The following BCAS4 variants were observed in gnomAD, a reference collection of about 807,000 sequenced individuals.
The protein encoded by BCAS4 is breast carcinoma amplified sequence 4.
In BCAS4, 9 loss-of-function variants were observed where a neutral mutation model predicts 15.7. The observed-to-expected ratio is 0.57, with a 90% CI of 0.34 to 1.00. The LOEUF (loss-of-function observed/expected upper bound fraction) is 1.00, where lower values mean the gene tolerates loss of function less well. BCAS4 is among the 50% of genes least tolerant of loss of function. The pLI, the probability that BCAS4 is intolerant of heterozygous loss-of-function variation, is 0.02. For synonymous variants in BCAS4, 101 were observed against 99.5 expected (o/e 1.02, Z -0.09); for missense variants, 225 against 239.1 (o/e 0.94, Z 0.39).
chr20:50,800,654 T>C (rs187285652), intron 1 of BCAS4, among the ~76,000 whole-genome samples: 2 of 147,090 alleles, frequency 1.4e-5, no homozygotes, highest in South Asian at 2.2e-4. Context: ...CTCCGCCTCC[T>C]GGGTTCAAGC....
Position 50,876,767 on chromosome 20 carries a change from C to T in BCAS4, c.*159C>T, listed in dbSNP as rs976647113. 11 of 951,628 alleles carry T rather than the reference C, an allele frequency of 1.2e-5. No individual in the cohort carries two copies. Among genetic ancestry groups the T allele is most frequent in the Non-Finnish European group, 1.2e-5 (9 of 723,818 alleles). The allele number at this position is 951,628 out of a possible 1,614,324, so 58.9% of individuals were successfully genotyped here. A position where few individuals can be genotyped will look rare whatever the true frequency, so the allele number is the denominator to read the frequency against. ...CTATGTTGTCCAGACTGATCTCAAA[C>T]TCCTGGGCTCAAGTGATCCACCCAC... On this transcript the variant is annotated 3_prime_UTR_variant, in exon 5 of 5. Coordinates refer to ENST00000371608, the MANE Select transcript of BCAS4 (RefSeq NM_198799.4).
intron 2 of BCAS4, among the ~76,000 whole-genome samples, chr20:50,829,822 C>T (rs6020777): frequency 0.041 from 6,296 of 151,968 alleles, 142 homozygotes; most frequent in Non-Finnish European, 0.044. Flanking sequence ...GCCTGCGTGT[C>T]GGAAGCATCT....
intron 1 of BCAS4, among the ~76,000 whole-genome samples, chr20:50,800,339 G>C (rs1199284901): frequency 6.6e-6 from 1 of 151,984 alleles, no homozygotes; most frequent in Non-Finnish European, 1.5e-5. Flanking sequence ...GGGTTTTTGG[G>C]GGATGGAGAG....
intron 4 of BCAS4, among the ~76,000 whole-genome samples, chr20:50,873,716 G>C (rs552636250): frequency 1.3e-5 from 2 of 152,214 alleles, no homozygotes; most frequent in African/African-American, 4.8e-5. Flanking sequence ...GCTGGGGAAC[G>C]TGCTAGGAGA....
intron 1 of BCAS4, among the ~76,000 whole-genome samples, chr20:50,815,208 G>A (rs539263650): frequency 2.4e-4 from 36 of 152,254 alleles, no homozygotes; most frequent in African/African-American, 8.2e-4. Flanking sequence ...TGACCACGCC[G>A]TGCCCTTCCT....
intron 2 of BCAS4, among the ~76,000 whole-genome samples, chr20:50,827,149 C>T (rs1016295536): frequency 6.6e-6 from 1 of 152,268 alleles, no homozygotes. Context: ...TAAGGTGCCA[C>T]ATGGCACGAG....
At chr20:50,874,937 G>C (rs564283816) in intron 4 of BCAS4, among the ~76,000 whole-genome samples, 56 of 152,326 alleles carry the variant, frequency 3.7e-4, no homozygotes, top group Middle Eastern at 6.8e-3. Context: ...CTGGGGGACA[G>C]GGTTAGGGGG....
At chr20:50,810,485 A>C (rs2088046343) in intron 1 of BCAS4, among the ~76,000 whole-genome samples, 1 of 152,224 alleles carries the variant, frequency 6.6e-6, no homozygotes, top group African/African-American at 2.4e-5. Context: ...TGGGAATTGA[A>C]AGACAAATAA....
chr20:50,795,570 G>A (rs1234648325), intron 1 of BCAS4, among the ~76,000 whole-genome samples: 1 of 152,244 alleles, frequency 6.6e-6, no homozygotes, highest in Non-Finnish European at 1.5e-5. Flanking sequence ...CTGCGCTGCT[G>A]CAGCTCGGAG....
rs1242683224 is a variant in BCAS4 at position 50,796,640 on chromosome 20, G to A, written c.90+1467G>A. The stretch of plus-strand genomic sequence containing the variant: ...CTCCCGAGTAGCTGGGACTACAGGC[G>A]TGTGCCACCATGCTCAGCTAATTTT... On this transcript the variant is annotated intron_variant, in intron 1 of 4. Coordinates refer to ENST00000371608, the MANE Select transcript of BCAS4 (RefSeq NM_198799.4). Among the ~76,000 whole-genome samples the A allele has an allele frequency of 2.2e-4, 32 of 148,036 alleles. 1 individual carries two copies. The Middle Eastern group carries it at 0.011, about 51-fold the overall frequency.
chr20:50,844,808 T>G (rs2088524088), intron 4 of BCAS4, among the ~76,000 whole-genome samples: 1 of 152,164 alleles, frequency 6.6e-6, no homozygotes, highest in African/African-American at 2.4e-5. Context: ...TCCGCCACAC[T>G]GGGCCTTGCT....
At position 50,868,949 on chromosome 20, in the gene BCAS4, A is replaced by G. The variant is rs886419299; in HGVS notation, c.400-7537A>G. Among the ~76,000 whole-genome samples, 4 of 152,218 alleles carry G rather than the reference A, an allele frequency of 2.6e-5. No individual in the cohort carries two copies. The South Asian group carries it at 8.3e-4, about 32-fold the overall frequency. ...GACAGGGCGTCTCAAGGAAGTAGTC[A>G]GGGACCCAGGCTTCTCCTGGCTGCT... On this transcript the variant is annotated intron_variant, in intron 4 of 4. Coordinates refer to ENST00000371608, the MANE Select transcript of BCAS4 (RefSeq NM_198799.4).
At chr20:50,824,425 G>A (rs149857565) in intron 2 of BCAS4, among the ~76,000 whole-genome samples, 92 of 152,330 alleles carry the variant, frequency 6.0e-4, no homozygotes, top group African/African-American at 2.2e-3. Context: ...CTGGAGACCA[G>A]GTCTGGAGAG....
chr20:50,862,460 A>C (rs1193195680), intron 4 of BCAS4, among the ~76,000 whole-genome samples: 1 of 151,552 alleles, frequency 6.6e-6, no homozygotes, highest in African/African-American at 2.4e-5. Context: ...TGTCTTCATC[A>C]GGCAAGGACA....
chr20:50,855,784 C>T lies in BCAS4; in HGVS notation c.399+13884C>T, dbSNP rs73615349. ...TGTCACTAGAGAGCAACACTTGGTA[C>T]GTGGGAACTGTTAGTAACAACAGCC... On this transcript the variant is annotated intron_variant, in intron 4 of 4. Transcript: ENST00000371608. 6.6e-3 allele frequency among the ~76,000 whole-genome samples: 1,008 copies of T among 152,324 alleles called. 27 individuals are homozygous for T. The highest frequency in any genetic ancestry group is 0.058 in the Admixed American group (893 of 15,304).
At chr20:50,819,053 G>A (rs1449579135) in intron 2 of BCAS4, among the ~76,000 whole-genome samples, 1 of 152,102 alleles carries the variant, frequency 6.6e-6, no homozygotes, top group Non-Finnish European at 1.5e-5. Flanking sequence ...TGTGGTGGCA[G>A]GCGCCTGTAA....
chr20:50,853,937 G>A (rs755493327), intron 4 of BCAS4, among the ~76,000 whole-genome samples: 13 of 152,122 alleles, frequency 8.5e-5, no homozygotes, highest in East Asian at 1.9e-4. Flanking sequence ...TACCCTCCCC[G>A]CAGTGTAACA....
At chr20:50,805,743 G>C (rs2087981355) in intron 1 of BCAS4, among the ~76,000 whole-genome samples, 2 of 152,166 alleles carry the variant, frequency 1.3e-5, no homozygotes, top group African/African-American at 4.8e-5. Flanking sequence ...GGGAGGCCGA[G>C]GTGGGTGGAT....
rs139901989 is a variant in BCAS4, at chr20:50,867,377, C to T, written c.400-9109C>T. Reference sequence around the variant, plus strand: ...TGTTGTTGTGTTTGAGAGAGGGTCTCGTTCTGTTGCCCAGGCTGGAGTGCA... The same window carrying T: ...TGTTGTTGTGTTTGAGAGAGGGTCTTGTTCTGTTGCCCAGGCTGGAGTGCA... On this transcript the variant is annotated intron_variant, in intron 4 of 4. Coordinates refer to ENST00000371608, the MANE Select transcript of BCAS4 (RefSeq NM_198799.4). Among the ~76,000 whole-genome samples the T allele has an allele frequency of 6.4e-3, 976 of 152,232 alleles. 46 individuals carry two copies. The highest frequency in any genetic ancestry group is 0.061 in the Admixed American group (931 of 15,292).
Sources: gnomAD v4.1 joint callset for allele counts (sites outside exome capture counted in the v4.1 genomes callset) on GRCh38, gnomAD v4.1.1 for gene constraint, MANE v1.5 for transcripts, NCBI Gene and HGNC (gene_info 2026-07-23, HGNC 2026-07-21) for gene names.